Variants in SPICE1 observed in about 807,000 individuals in gnomAD.
The protein encoded by SPICE1 is spindle and centriole-associated protein 1.
In SPICE1, 75 loss-of-function variants were observed where a neutral mutation model predicts 102.7. The observed-to-expected ratio is 0.73, with a 90% CI of 0.61 to 0.88. SPICE1 has a LOEUF of 0.88. Ranked by LOEUF, SPICE1 falls within the 40% of genes least tolerant of loss-of-function variation. SPICE1 has a pLI of 0.00. For synonymous variants in SPICE1, 308 were observed against 350.3 expected, an observed-to-expected ratio of 0.88 and a Z score of 1.35; for missense variants, 979 against 1,020.1, an observed-to-expected ratio of 0.96 and a Z score of 0.55.
chr3:113,473,433 G>A, intron 7 of SPICE1, among the ~76,000 whole-genome samples: 1 of 152,100 alleles, frequency 6.6e-6, no homozygotes, highest in Admixed American at 6.5e-5. Context: ...GAAATACAGA[G>A]AACACCACAA....
intron 7 of SPICE1, among the ~76,000 whole-genome samples, chr3:113,483,731 T>C (rs1044967259): frequency 2.6e-5 from 4 of 152,228 alleles, no homozygotes; most frequent in African/African-American, 9.7e-5. Context: ...TGAAGCCAAC[T>C]TGATTGTGGT....
At chr3:113,489,120 T>TA in intron 6 of SPICE1, 57 bp from the exon 7 acceptor site, 3 of 1,151,096 alleles carry the variant, frequency 2.6e-6, no homozygotes, top group Non-Finnish European at 2.5e-6. Flanking sequence ...ACTCAGACTT[T>TA]CTTTTTTTTT....
At chr3:113,462,634 G>A (rs1037198717) in intron 11 of SPICE1, among the ~76,000 whole-genome samples, 1 of 152,204 alleles carries the variant, frequency 6.6e-6, no homozygotes, top group Non-Finnish European at 1.5e-5. Flanking sequence ...TTATTTAAGA[G>A]AAAGTATTAC....
At chr3:113,482,669 C>A (rs1310430358) in intron 7 of SPICE1, among the ~76,000 whole-genome samples, 1 of 152,136 alleles carries the variant, frequency 6.6e-6, no homozygotes, top group African/African-American at 2.4e-5. Context: ...AATAAGGAAT[C>A]CTTTCCCTAT....
In SPICE1 at chr3:113,460,764, C is replaced by T. The variant is rs1207334954; in HGVS notation, c.1288G>A (p.Ala430Thr). 6.3e-7 allele frequency: 1 copy of T among 1,587,718 alleles called. No homozygotes were observed. Among genetic ancestry groups the T allele is most frequent in the Admixed American group, 1.9e-5 (1 of 53,002 alleles). ...RLREENAATQ[A>T]RLQQYMVTTD... ...GTGACCATGTACTGCTGAAGTCTTGCCTGGGGAGGAAAACATATGAAATAA... is the reference window on the plus strand; with the variant it reads ...GTGACCATGTACTGCTGAAGTCTTGTCTGGGGAGGAAAACATATGAAATAA... The change falls in exon 12 of 18, where the codon GCA becomes ACA. Residue 430 changes from alanine (A) to threonine (T), a missense_variant and splice_region_variant. Ala to Thr is a moderately conservative substitution (Grantham distance 58). Coordinates refer to ENST00000295872, the MANE Select transcript of SPICE1 (RefSeq NM_144718.4).
chr3:113,472,049 T>A (rs1936213940), intron 7 of SPICE1, among the ~76,000 whole-genome samples: 1 of 152,076 alleles, frequency 6.6e-6, no homozygotes, highest in African/African-American at 2.4e-5. Context: ...AAGAAAGGGG[T>A]GACAGACGGC....
Position 113,494,154 on chromosome 3 carries a change from T to C in SPICE1, c.292-12A>G. The C allele has an allele frequency of 6.5e-7, 1 of 1,529,950 alleles. No individual in the cohort carries two copies. Among genetic ancestry groups the C allele is most frequent in the Non-Finnish European group, 9.0e-7 (1 of 1,114,194 alleles). 94.8% of individuals were successfully genotyped at this position (1,529,950 alleles called of 1,614,324 possible). A position where few individuals can be genotyped will look rare whatever the true frequency, so the allele number is the denominator to read the frequency against. On this transcript the variant is annotated splice_polypyrimidine_tract_variant and intron_variant, in intron 4 of 17. Transcript: ENST00000295872. ...TGATCAGAAAGAATCTAGACATGTG[T>C]TAATGACAAATATTATTATTCAGAT... is the stretch of plus-strand genomic sequence containing the variant.
intron 14 of SPICE1, among the ~76,000 whole-genome samples, chr3:113,451,855 C>T (rs1344658750): frequency 6.6e-6 from 1 of 152,104 alleles, no homozygotes; most frequent in African/African-American, 2.4e-5. Flanking sequence ...TTCCCCATGA[C>T]CCAGTGCTGA....
At chr3:113,468,454 T>C (rs1936116891) in intron 9 of SPICE1, 50 bp from the exon 10 acceptor site, 1 of 1,562,726 alleles carries the variant, frequency 6.4e-7, no homozygotes, top group African/African-American at 1.4e-5. Flanking sequence ...AAATTATGAC[T>C]AGAAAACTAC....
chr3:113,461,028 C>T (rs1935921410), intron 11 of SPICE1, among the ~76,000 whole-genome samples: 1 of 151,756 alleles, frequency 6.6e-6, no homozygotes, highest in Non-Finnish European at 1.5e-5. Context: ...TTAATAAATA[C>T]CCTGCTATAA....
intron 7 of SPICE1, among the ~76,000 whole-genome samples, chr3:113,473,933 A>G (rs1342564647): frequency 6.6e-6 from 1 of 152,160 alleles, no homozygotes; most frequent in Non-Finnish European, 1.5e-5. Flanking sequence ...TTCACACTTA[A>G]CAATATTAAC....
Position 113,503,237 on chromosome 3 carries a change from A to C in SPICE1, c.100-10T>G, listed in dbSNP as rs569960956. 1.3e-6 allele frequency: 2 copies of C among 1,569,666 alleles called. No individual in the cohort carries two copies. The highest frequency in any genetic ancestry group is 1.2e-5 in the South Asian group (1 of 81,532). ...GATCAGTCACGGTATTCTGTAAAAAAAGGTGGCCTTTCTTTAAAAAAAAAA... is the reference window on the plus strand; with the variant it reads ...GATCAGTCACGGTATTCTGTAAAAACAGGTGGCCTTTCTTTAAAAAAAAAA... On this transcript the variant is annotated splice_polypyrimidine_tract_variant and intron_variant, in intron 2 of 17. Coordinates refer to ENST00000295872, the MANE Select transcript of SPICE1 (RefSeq NM_144718.4).
chr3:113,450,063 T>C (rs1464312397), intron 15 of SPICE1: 2 of 455,250 alleles, frequency 4.4e-6, no homozygotes, highest in Admixed American at 6.7e-5. Context: ...AACCGTACAC[T>C]ATAATGAATC....
At chr3:113,494,829 C>A (rs549619559) in intron 4 of SPICE1, among the ~76,000 whole-genome samples, 31 of 152,260 alleles carry the variant, frequency 2.0e-4, no homozygotes, top group African/African-American at 7.0e-4. Flanking sequence ...TTGGCAGCAA[C>A]TCACTTCACA....
rs755493753 is a variant in SPICE1, at chr3:113,460,769, G to A, written c.1288-5C>T. 4.4e-6 allele frequency: 7 copies of A among 1,581,620 alleles called. No homozygotes were observed. In the East Asian group the frequency reaches 1.6e-4, roughly 36 times the overall value. ...CATGTACTGCTGAAGTCTTGCCTGGGGAGGAAAACATATGAAATAATATTA... is the reference window on the plus strand; with the variant it reads ...CATGTACTGCTGAAGTCTTGCCTGGAGAGGAAAACATATGAAATAATATTA... On this transcript the variant is annotated splice_region_variant and splice_polypyrimidine_tract_variant and intron_variant, in intron 11 of 17. Transcript: ENST00000295872.
chr3:113,473,229 T>C (rs1936250692), intron 7 of SPICE1, among the ~76,000 whole-genome samples: 1 of 151,682 alleles, frequency 6.6e-6, no homozygotes, highest in South Asian at 2.1e-4. Flanking sequence ...GAAGGGAAGT[T>C]TACAGAAAAA....
intron 12 of SPICE1, among the ~76,000 whole-genome samples, chr3:113,458,613 C>T (rs1935842851): frequency 6.6e-6 from 1 of 152,214 alleles, no homozygotes; most frequent in South Asian, 2.1e-4. Context: ...GCCGAGATTG[C>T]AGCCTCTGCC....
chr3:113,489,049 T>A lies in SPICE1; in HGVS notation c.507A>T (p.Val169=), dbSNP rs1449287377. The A allele has an allele frequency of 3.7e-6, 6 of 1,606,534 alleles. No homozygotes were observed. Among genetic ancestry groups the A allele is most frequent in the Non-Finnish European group, 4.3e-6 (5 of 1,173,460 alleles). ...SVIEPQALND[V]DGEEEGTVNS... The stretch of plus-strand genomic sequence containing the variant: ...TAACAGTTCCTTCTTCTTCACCATC[T>A]ACATCATTAAGAGCCTGTCTCAACA... The change falls in exon 7 of 18, where the codon GTA becomes GTT. Residue 169 remains valine (V), a synonymous_variant. Coordinates refer to ENST00000295872, the MANE Select transcript of SPICE1 (RefSeq NM_144718.4).
chr3:113,479,748 T>C (rs1277810582), intron 7 of SPICE1, among the ~76,000 whole-genome samples: 1 of 152,174 alleles, frequency 6.6e-6, no homozygotes, highest in East Asian at 1.9e-4. Context: ...GGTACACATT[T>C]ATAGTAGTGA....
Sources: allele counts gnomAD v4.1 joint callset (sites outside exome capture counted in the v4.1 genomes callset), GRCh38; gene constraint gnomAD v4.1.1; transcripts MANE v1.5; gene names NCBI Gene and HGNC (gene_info 2026-07-23, HGNC 2026-07-21).